The following PDE7A variants were observed in gnomAD, a reference collection of about 807,000 sequenced individuals.
PDE7A encodes high affinity 3',5'-cyclic-AMP phosphodiesterase 7A.
In PDE7A, 39 loss-of-function variants were observed where a neutral mutation model predicts 64.3. That is an observed-to-expected ratio of 0.61 (90% CI 0.47 to 0.79). PDE7A has a LOEUF of 0.79. PDE7A is among the 30% of genes least tolerant of loss of function. The probability of loss-of-function intolerance (pLI) is 0.00; values close to 1 mark genes in which losing one functional copy is unlikely to be tolerated. For missense variants in PDE7A, 470 were observed against 582.8 expected (o/e 0.81, Z 1.99); for synonymous variants, 203 against 206.8 (o/e 0.98, Z 0.16).
intron 3 of PDE7A, among the ~76,000 whole-genome samples, chr8:65,776,158 G>A (rs1809253503): frequency 6.6e-6 from 1 of 152,056 alleles, no homozygotes; most frequent in African/African-American, 2.4e-5. Flanking sequence ...AATGCATGGT[G>A]TGAACAGGGT....
At chr8:65,752,041 G>C (rs1324361217) in intron 3 of PDE7A, among the ~76,000 whole-genome samples, 1 of 152,116 alleles carries the variant, frequency 6.6e-6, no homozygotes, top group African/African-American at 2.4e-5. Flanking sequence ...TTTACAGTTT[G>C]CAAGAATACC....
In PDE7A at chr8:65,719,804, T is replaced by C. The variant is rs182041078; in HGVS notation, c.1244-309A>G. On this transcript the variant is annotated intron_variant, in intron 12 of 12. Coordinates refer to ENST00000401827, the MANE Select transcript of PDE7A (RefSeq NM_001242318.3). The stretch of plus-strand genomic sequence containing the variant: ...TACTTAAGCAAAAATACACTGCCCA[T>C]CTAAACTCTGAGGATACTCGGGCAT... 4 of 343,818 alleles carry C rather than the reference T, an allele frequency of 1.2e-5. No homozygotes were observed. The East Asian group carries it at 2.5e-4, about 22-fold the overall frequency. 21.3% of individuals were successfully genotyped at this position (343,818 alleles called of 1,614,324 possible).
Position 65,724,859 on chromosome 8 carries a change from T to C in PDE7A, c.983A>G (p.Glu328Gly). 1 of 1,610,796 alleles carries C rather than the reference T, an allele frequency of 6.2e-7. No individual in the cohort carries two copies. Among genetic ancestry groups the C allele is most frequent in the Non-Finnish European group, 8.5e-7 (1 of 1,177,498 alleles). ...ATGGGACCTAAACAAAGACAGATAC[T>C]CATTCTGGCGACTGATGTCTGTGGC... ...ILATDISRQN[E>G]YLSLFRSHLD... Residue 328 changes from glutamate (E) to glycine (G), a missense_variant, in exon 10 of 13, where the codon GAG (glutamate) becomes GGG (glycine). Transcript: ENST00000401827.
chr8:65,739,652 T>A, intron 5 of PDE7A, 55 bp from the exon 6 acceptor site: 1 of 1,360,616 alleles, frequency 7.3e-7, no homozygotes, highest in Non-Finnish European at 9.6e-7. Flanking sequence ...AACACAATTA[T>A]ATTATGCTTT....
chr8:65,794,312 C>A (rs765259244), intron 1 of PDE7A, among the ~76,000 whole-genome samples: 4 of 152,042 alleles, frequency 2.6e-5, no homozygotes, highest in Non-Finnish European at 5.9e-5. Context: ...GCACCCACCA[C>A]CACACCCCAC....
At chr8:65,725,061 C>G in intron 9 of PDE7A, 140 bp from the exon 10 acceptor site, 1 of 473,854 alleles carries the variant, frequency 2.1e-6, no homozygotes, top group Non-Finnish European at 3.5e-6. Flanking sequence ...ATTTATCACA[C>G]AAAAAATGAG....
chr8:65,809,367 T>C (rs1031335285), intron 1 of PDE7A, among the ~76,000 whole-genome samples: 6 of 152,130 alleles, frequency 3.9e-5, no homozygotes, highest in African/African-American at 1.4e-4. Flanking sequence ...GCTCAGTGCT[T>C]TGAAGATCTT....
chr8:65,789,644 A>T (rs1305396165), intron 1 of PDE7A, among the ~76,000 whole-genome samples: 1 of 152,214 alleles, frequency 6.6e-6, no homozygotes, highest in African/African-American at 2.4e-5. Flanking sequence ...AATCTAACTT[A>T]TATTTTTGGT....
At chr8:65,829,381 T>G (rs1473069399) in intron 1 of PDE7A, among the ~76,000 whole-genome samples, 1 of 147,722 alleles carries the variant, frequency 6.8e-6, no homozygotes, top group African/African-American at 2.4e-5. Context: ...TAATTAAAAG[T>G]AACTCAGATA....
intron 6 of PDE7A, among the ~76,000 whole-genome samples, chr8:65,737,307 T>C (rs540973862): frequency 6.6e-6 from 1 of 152,128 alleles, no homozygotes; most frequent in African/African-American, 2.4e-5. Context: ...GATGAAGGGA[T>C]AAACAGCCAA....
intron 7 of PDE7A, among the ~76,000 whole-genome samples, chr8:65,732,449 G>A (rs1806936407): frequency 6.6e-6 from 1 of 152,212 alleles, no homozygotes. Context: ...GCATGTGGCA[G>A]ATGCTCAAAG....
intron 7 of PDE7A, among the ~76,000 whole-genome samples, chr8:65,730,458 G>T (rs907224927): frequency 6.6e-6 from 1 of 151,888 alleles, no homozygotes; most frequent in Admixed American, 6.6e-5. Context: ...GGGATTACAG[G>T]TGTGAGCCAC....
chr8:65,745,343 G>A (rs1395423000), intron 5 of PDE7A, 64 bp downstream of exon 5: 30 of 916,594 alleles, frequency 3.3e-5, no homozygotes, highest in Admixed American at 7.0e-5. Context: ...ACGCACCAGC[G>A]GCTGCACCAT....
Position 65,719,156 on chromosome 8 carries a change from G to C in PDE7A, c.*134C>G. ...CAAATGATCCAACAGAGGAAATCTT[G>C]GAAATAAATAATGCTGGCTGGCATC... is the stretch of plus-strand genomic sequence containing the variant. On this transcript the variant is annotated 3_prime_UTR_variant, in exon 13 of 13. Transcript: ENST00000401827. 1 of 640,216 alleles carries C rather than the reference G, an allele frequency of 1.6e-6. No homozygotes were observed. The highest frequency in any genetic ancestry group is 2.8e-6 in the Non-Finnish European group (1 of 357,256). The allele number at this position is 640,216 out of a possible 1,614,324, so 39.7% of individuals were successfully genotyped here.
chr8:65,839,734 G>A (rs1811032113), intron 1 of PDE7A, among the ~76,000 whole-genome samples: 1 of 152,010 alleles, frequency 6.6e-6, no homozygotes, highest in South Asian at 2.1e-4. Context: ...TTAAACCTAA[G>A]GCTGGAAAAA....
At chr8:65,754,211 A>C (rs1384800276) in intron 3 of PDE7A, among the ~76,000 whole-genome samples, 1 of 151,998 alleles carries the variant, frequency 6.6e-6, no homozygotes, top group Non-Finnish European at 1.5e-5. Context: ...CTTGCTTTAT[A>C]GTCTAGCCAC....
chr8:65,828,881 G>T (rs1313426888), intron 1 of PDE7A, among the ~76,000 whole-genome samples: 3 of 151,370 alleles, frequency 2.0e-5, no homozygotes, highest in Non-Finnish European at 4.4e-5. Flanking sequence ...TTTCTTCTTG[G>T]AACTGCTTGA....
chr8:65,780,857 G>A (rs997127600), intron 2 of PDE7A: 1 of 152,234 alleles, frequency 6.6e-6, no homozygotes, highest in Non-Finnish European at 1.5e-5. Flanking sequence ...GTTTCTCTGA[G>A]TAGGACCATG....
Position 65,779,798 on chromosome 8 carries a change from C to T in PDE7A, c.205G>A (p.Val69Ile), listed in dbSNP as rs745943078. Reference sequence around the variant, plus strand: ...AATCCTGCTCGGCTCCTTACACGTACATCTCCTGGACAGAATCAAGAATAA... The same window carrying T: ...AATCCTGCTCGGCTCCTTACACGTATATCTCCTGGACAGAATCAAGAATAA... ...TALYIRMLGD[V>I]RVRSRAGFES... The change falls in exon 3 of 13, where the codon GTA becomes ATA. Residue 69 changes from valine to isoleucine, a missense_variant. Transcript: ENST00000401827. 1 of 1,584,220 alleles carries T rather than the reference C, an allele frequency of 6.3e-7. No individual in the cohort carries two copies. Among genetic ancestry groups the T allele is most frequent in the South Asian group, 1.1e-5 (1 of 89,596 alleles).
Sources: gnomAD v4.1 joint callset for allele counts (sites outside exome capture counted in the v4.1 genomes callset) on GRCh38, gnomAD v4.1.1 for gene constraint, MANE v1.5 for transcripts, NCBI Gene and HGNC (gene_info 2026-07-23, HGNC 2026-07-21) for gene names.